INPP4B: variants seen among roughly 807,000 people sequenced by gnomAD.
The protein encoded by INPP4B is inositol polyphosphate-4-phosphatase type II B.
A neutral mutation model predicts 122.5 loss-of-function variants in INPP4B; 55 were observed. The observed-to-expected ratio is 0.45, with a 90% CI of 0.36 to 0.56. The LOEUF (loss-of-function observed/expected upper bound fraction) is 0.56. Ranked by LOEUF, INPP4B falls within the 20% of genes least tolerant of loss-of-function variation. The pLI, the probability that INPP4B is intolerant of heterozygous loss-of-function variation, is 0.00. For missense variants in INPP4B, 1,000 were observed against 1,097.7 expected (o/e 0.91, Z 1.26); for synonymous variants, 403 against 388.7 (o/e 1.04, Z -0.43).
intron 2 of INPP4B, among the ~76,000 whole-genome samples, chr4:142,470,582 T>C (rs982004985): frequency 3.3e-5 from 5 of 152,182 alleles, no homozygotes; most frequent in Non-Finnish European, 7.4e-5. Context: ...ACATCCTATT[T>C]TAATACCCAC....
chr4:142,043,028 T>G (rs1749118937), intron 25 of INPP4B, among the ~76,000 whole-genome samples: 1 of 152,184 alleles, frequency 6.6e-6, no homozygotes, highest in Non-Finnish European at 1.5e-5. Flanking sequence ...ACTCACTCTT[T>G]TAAGTCAGAC....
At chr4:142,434,506 G>A (rs1349466370) in intron 3 of INPP4B, among the ~76,000 whole-genome samples, 1 of 152,162 alleles carries the variant, frequency 6.6e-6, no homozygotes, top group African/African-American at 2.4e-5. Flanking sequence ...GAGGGACAGG[G>A]CCTCAGTTTA....
At chr4:142,071,322 T>C (rs1008113895) in intron 25 of INPP4B, among the ~76,000 whole-genome samples, 3 of 152,110 alleles carry the variant, frequency 2.0e-5, no homozygotes, top group Admixed American at 6.5e-5. Context: ...TTAAACCTTA[T>C]ACAAAAATTA....
chr4:142,132,135 C>A (rs952742835), intron 18 of INPP4B, among the ~76,000 whole-genome samples: 3 of 151,976 alleles, frequency 2.0e-5, no homozygotes, highest in African/African-American at 7.3e-5. Context: ...CCACAGTGAG[C>A]CTTTAAGATA....
At chr4:142,791,825 A>G (rs936099769) in intron 1 of INPP4B, among the ~76,000 whole-genome samples, 1 of 151,946 alleles carries the variant, frequency 6.6e-6, no homozygotes, top group Admixed American at 6.6e-5. Context: ...ATTGACTGCT[A>G]TCTAAACTTG....
chr4:142,133,895 A>G (rs1189906973), intron 18 of INPP4B, among the ~76,000 whole-genome samples: 1 of 152,088 alleles, frequency 6.6e-6, no homozygotes, highest in Non-Finnish European at 1.5e-5. Context: ...TACATCGCCT[A>G]CTCCACTAAA....
chr4:142,689,007 C>T (rs1469417598), intron 2 of INPP4B, among the ~76,000 whole-genome samples: 3 of 152,196 alleles, frequency 2.0e-5, no homozygotes, highest in South Asian at 4.1e-4. Flanking sequence ...CGACCAATAG[C>T]GCTCCCCATT....
intron 15 of INPP4B, among the ~76,000 whole-genome samples, chr4:142,183,005 A>T (rs1411561715): frequency 6.6e-6 from 1 of 152,210 alleles, no homozygotes. Flanking sequence ...AACTGCCAGG[A>T]GCTGACATAG....
At chr4:142,370,191 T>C (rs1025088895) in intron 7 of INPP4B, among the ~76,000 whole-genome samples, 1 of 152,100 alleles carries the variant, frequency 6.6e-6, no homozygotes. Context: ...TCATCACCAA[T>C]GTCTATCATC....
intron 25 of INPP4B, among the ~76,000 whole-genome samples, chr4:142,045,567 G>T (rs1750910814): frequency 6.6e-6 from 1 of 151,986 alleles, no homozygotes; most frequent in South Asian, 2.1e-4. Context: ...AATTGGTACT[G>T]TCCCACTGTA....
At chr4:142,108,334 G>A (rs1788210898) in intron 22 of INPP4B, 144 bp from the exon 23 acceptor site, 1 of 649,192 alleles carries the variant, frequency 1.5e-6, no homozygotes, top group South Asian at 1.7e-5. Flanking sequence ...ATTCACAATG[G>A]TGATTTCAAA....
chr4:142,111,804 C>T (rs889501783), intron 22 of INPP4B, among the ~76,000 whole-genome samples: 16 of 151,826 alleles, frequency 1.1e-4, no homozygotes, highest in Non-Finnish European at 2.9e-5. Flanking sequence ...AGTACAGTGG[C>T]GTGATCTCAG....
At chr4:142,053,238 G>A (rs1274367206) in intron 25 of INPP4B, among the ~76,000 whole-genome samples, 2 of 151,938 alleles carry the variant, frequency 1.3e-5, no homozygotes, top group Non-Finnish European at 2.9e-5. Context: ...AGAGGGAGAT[G>A]GAGAACCATG....
At position 142,357,049 on chromosome 4, in the gene INPP4B, C is replaced by T. The variant is rs142452091; in HGVS notation, c.373-42287G>A. 6.2e-3 allele frequency among the ~76,000 whole-genome samples: 936 copies of T among 152,104 alleles called. 12 individuals are homozygous for T. Among genetic ancestry groups the T allele is most frequent in the African/African-American group, 0.021 (853 of 41,524 alleles). On this transcript the variant is annotated intron_variant, in intron 7 of 25. Transcript: ENST00000262992. ...AAAAGCTCTTGCACACAGGATCTTGCCAGACCTTGCCCTATTTACCTCTTC... is the reference window on the plus strand; with the variant it reads ...AAAAGCTCTTGCACACAGGATCTTGTCAGACCTTGCCCTATTTACCTCTTC...
intron 3 of INPP4B, among the ~76,000 whole-genome samples, chr4:142,460,630 G>T (rs1235832516): frequency 2.0e-5 from 3 of 152,020 alleles, no homozygotes; most frequent in Non-Finnish European, 4.4e-5. Context: ...TAATTAAAAA[G>T]CAGCTGTCTC....
At chr4:142,825,094 C>A (rs906156363) in intron 1 of INPP4B, among the ~76,000 whole-genome samples, 4 of 152,034 alleles carry the variant, frequency 2.6e-5, no homozygotes, top group Non-Finnish European at 5.9e-5. Context: ...TTTTTAGTAA[C>A]CATGCTCCTT....
chr4:142,701,278 C>T (rs1761726520), intron 2 of INPP4B, among the ~76,000 whole-genome samples: 2 of 152,038 alleles, frequency 1.3e-5, no homozygotes, highest in African/African-American at 2.4e-5. Flanking sequence ...TTAGTAGGTA[C>T]TCCCTCCTGC....
intron 2 of INPP4B, among the ~76,000 whole-genome samples, chr4:142,524,208 T>G (rs1227934194): frequency 6.6e-6 from 1 of 152,122 alleles, no homozygotes; most frequent in African/African-American, 2.4e-5. Context: ...GTATTTCTAG[T>G]TCTAGATCCT....
At chr4:142,311,191 A>G (rs2151278149) in intron 8 of INPP4B, among the ~76,000 whole-genome samples, 1 of 152,292 alleles carries the variant, frequency 6.6e-6, no homozygotes, top group African/African-American at 2.4e-5. Context: ...GGATTCGCTG[A>G]TAGGATGTAT....
Sources: gnomAD v4.1 joint callset for allele counts (sites outside exome capture counted in the v4.1 genomes callset) on GRCh38, gnomAD v4.1.1 for gene constraint, MANE v1.5 for transcripts, NCBI Gene and HGNC (gene_info 2026-07-23, HGNC 2026-07-21) for gene names.